Variants in ACBD5 observed in about 807,000 individuals in gnomAD.
ACBD5 encodes acyl-CoA-binding domain-containing protein 5.
ACBD5 carries 40 observed loss-of-function variants against 71.8 expected under a neutral mutation model. The ratio of observed to expected loss-of-function variants is 0.56; its 90% CI spans 0.43 to 0.72. ACBD5 has a LOEUF of 0.72. Among genes scored for constraint, ACBD5 ranks in the 30% least tolerant of loss-of-function variants. ACBD5 has a pLI of 0.00. For missense variants in ACBD5, 559 were observed against 644.5 expected (o/e 0.87, Z 1.44); for synonymous variants, 229 against 218.6 (o/e 1.05, Z -0.42).
chr10:27,224,947 C>T (rs1335826353), intron 4 of ACBD5, among the ~76,000 whole-genome samples: 5 of 152,112 alleles, frequency 3.3e-5, no homozygotes, highest in Admixed American at 2.6e-4. Context: ...GAGAGAATTG[C>T]TTGAACCCAG....
intron 4 of ACBD5, among the ~76,000 whole-genome samples, chr10:27,228,807 ATATATATATTTTTT>A (rs1254225912): frequency 0.082 from 551 of 6,752 alleles, 3 homozygotes; most frequent in African/African-American, 0.12. Context: ...ATATATATAT[ATATATATATTTTTT>A]TTTTTTTTTT....
At chr10:27,236,411 A>G (rs1220061585) in intron 2 of ACBD5, among the ~76,000 whole-genome samples, 2 of 152,226 alleles carry the variant, frequency 1.3e-5, no homozygotes, top group African/African-American at 4.8e-5. Context: ...CAGTAGAAAG[A>G]TAAACATAAA....
chr10:27,211,413 C>T (rs1212865611), intron 8 of ACBD5, among the ~76,000 whole-genome samples: 2 of 152,062 alleles, frequency 1.3e-5, no homozygotes, highest in African/African-American at 4.8e-5. Flanking sequence ...CTCCACCTCC[C>T]GGGTTCAAGC....
chr10:27,218,269 C>T, intron 6 of ACBD5, 86 bp from the exon 7 acceptor site: 1 of 1,050,686 alleles, frequency 9.5e-7, no homozygotes, highest in South Asian at 1.3e-5. Context: ...GCTGTTATTT[C>T]CCTAACCTAC....
Position 27,210,907 on chromosome 10 carries a change from C to T in ACBD5, c.1111G>A (p.Gly371Arg), listed in dbSNP as rs777179377. Residue 371 changes from glycine (G) to arginine (R), a missense_variant, in exon 9 of 13, where the codon GGA becomes AGA. Transcript: ENST00000396271. The stretch of plus-strand genomic sequence containing the variant: ...CTGTTATTCCTGCCATCTTCTCCTC[C>T]ATGCTTGACTTCACCTTTTCCTTCA... ...AVEGKGEVKHGGEDGRNNSGA... is the reference protein window; with the variant it reads ...AVEGKGEVKHRGEDGRNNSGA... The T allele has an allele frequency of 6.2e-7, 1 of 1,614,108 alleles. No individual in the cohort carries two copies. The highest frequency in any genetic ancestry group is 2.2e-5 in the East Asian group (1 of 44,904).
chr10:27,225,984 A>C lies in ACBD5; in HGVS notation c.376-2532T>G, dbSNP rs553345883. Among the ~76,000 whole-genome samples, 133 of 152,292 alleles carry C rather than the reference A, an allele frequency of 8.7e-4. 1 individual carries two copies. Among genetic ancestry groups the C allele is most frequent in the African/African-American group, 3.1e-3 (128 of 41,576 alleles). On this transcript the variant is annotated intron_variant, in intron 4 of 12. Coordinates refer to ENST00000396271, the MANE Select transcript of ACBD5 (RefSeq NM_145698.5). ...CTCATGCCCCATAGGGTAAAAGAGTAAACTGTGGACTGAAGTCTCAGAACG... is the reference window on the plus strand; with the variant it reads ...CTCATGCCCCATAGGGTAAAAGAGTCAACTGTGGACTGAAGTCTCAGAACG...
intron 10 of ACBD5, among the ~76,000 whole-genome samples, chr10:27,207,568 TCAGA>T (rs1035561604): frequency 3.9e-5 from 6 of 152,252 alleles, no homozygotes; most frequent in African/African-American, 1.4e-4. Context: ...TGCAGCTAGG[TCAGA>T]CAGTCAATGC....
At chr10:27,220,549 G>C (rs1331822357) in intron 5 of ACBD5, 1 of 152,186 alleles carries the variant, frequency 6.6e-6, no homozygotes, top group Non-Finnish European at 1.5e-5. Context: ...TGTTACCAAT[G>C]CTGTTGGTTA....
intron 13 of ACBD5, among the ~76,000 whole-genome samples, chr10:27,188,207 ACTT>A (rs35459782): frequency 0.5 from 75,674 of 151,796 alleles, 21,543 homozygotes; most frequent in Non-Finnish European, 0.65. Context: ...AGTAATAACT[ACTT>A]AGATTTAATG....
intron 13 of ACBD5, among the ~76,000 whole-genome samples, chr10:27,185,357 G>A (rs898836268): frequency 6.6e-6 from 1 of 152,116 alleles, no homozygotes; most frequent in East Asian, 1.9e-4. Flanking sequence ...GGCAGGGTGG[G>A]CGCGGTGGCT....
intron 13 of ACBD5, among the ~76,000 whole-genome samples, chr10:27,186,163 C>T (rs998833357): frequency 2.0e-5 from 3 of 152,130 alleles, no homozygotes; most frequent in African/African-American, 7.2e-5. Context: ...CAAATACAAA[C>T]CAGGCACCTG....
At chr10:27,189,705 T>C (rs902052612) in intron 13 of ACBD5, among the ~76,000 whole-genome samples, 17 of 151,522 alleles carry the variant, frequency 1.1e-4, no homozygotes, top group Non-Finnish European at 2.2e-4. Flanking sequence ...ACATGGCACA[T>C]GTATACATAT....
At chr10:27,186,211 C>A (rs2058736183) in intron 13 of ACBD5, among the ~76,000 whole-genome samples, 1 of 152,148 alleles carries the variant, frequency 6.6e-6, no homozygotes, top group Non-Finnish European at 1.5e-5. Context: ...CCCATGTAGA[C>A]CTTTGTGAAG....
chr10:27,240,957 G>T, upstream of ACBD5: 1 of 593,250 alleles, frequency 1.7e-6, no homozygotes, highest in Non-Finnish European at 3.0e-6. This position sits in a 1 kb window ranked among gnomAD's most constrained non-coding sequence, Gnocchi z 4.1. Context: ...GGTCCGGGAA[G>T]CGGGGAAAGG....
chr10:27,192,967 G>A (rs1301268138), downstream of ACBD5, among the ~76,000 whole-genome samples: 4 of 147,912 alleles, frequency 2.7e-5, no homozygotes, highest in Admixed American at 6.7e-5. Flanking sequence ...GTGAGACTCC[G>A]TTTCAAAAAA....
rs12261094 is a variant in ACBD5, at chr10:27,223,629, T to G, written c.376-177A>C. On this transcript the variant is annotated intron_variant, in intron 4 of 12. Transcript: ENST00000396271. The stretch of plus-strand genomic sequence containing the variant: ...TAATGTATACACACTGTGGCCGGGC[T>G]AAGTGGTGGCTCATGCCTGTAATCC... 0.069 allele frequency among the ~76,000 whole-genome samples: 10,460 copies of G among 152,276 alleles called. 682 individuals are homozygous for G. The highest frequency in any genetic ancestry group is 0.17 in the African/African-American group (7,021 of 41,526).
intron 2 of ACBD5, among the ~76,000 whole-genome samples, chr10:27,239,577 CAAAT>C (rs1442594174): frequency 1.4e-5 from 2 of 146,380 alleles, no homozygotes; most frequent in South Asian, 2.2e-4. Flanking sequence ...AATGGAATAG[CAAAT>C]AAAAAGGTAG....
chr10:27,202,208 C>T (rs1362257270), intron 12 of ACBD5, among the ~76,000 whole-genome samples: 1 of 152,170 alleles, frequency 6.6e-6, no homozygotes, highest in Non-Finnish European at 1.5e-5. Flanking sequence ...CCTAAATCCC[C>T]TCAAGGCTAA....
At chr10:27,192,951 G>GA (rs2059138451), downstream of ACBD5, among the ~76,000 whole-genome samples, 1 of 150,042 alleles carries the variant, frequency 6.7e-6, no homozygotes, top group African/African-American at 2.5e-5. Context: ...CCTGCTGGGT[G>GA]ACAGAGTGAG....
Sources: allele counts gnomAD v4.1 joint callset (sites outside exome capture counted in the v4.1 genomes callset), GRCh38; gene constraint gnomAD v4.1.1; non-coding constraint Gnocchi (gnomAD v3.1); transcripts MANE v1.5; gene names NCBI Gene and HGNC (gene_info 2026-07-23, HGNC 2026-07-21).